Variants in PPM1D observed in about 807,000 individuals in gnomAD.
PPM1D encodes the protein protein phosphatase 1D.
PPM1D carries 52 observed loss-of-function variants against 58.3 expected under a neutral mutation model. The ratio of observed to expected loss-of-function variants is 0.89; its 90% CI spans 0.71 to 1.12. PPM1D has a LOEUF of 1.12. Among genes scored for constraint, PPM1D ranks in the 50% most tolerant of loss-of-function variants. The pLI, the probability that PPM1D is intolerant of heterozygous loss-of-function variation, is 0.00. For missense variants in PPM1D, 564 were observed against 777.2 expected (o/e 0.73, Z 3.26); for synonymous variants, 278 against 285.1 (o/e 0.98, Z 0.25).
At chr17:60,655,626 C>T (rs781567602) in intron 4 of PPM1D, among the ~76,000 whole-genome samples, 7 of 152,020 alleles carry the variant, frequency 4.6e-5, no homozygotes, top group East Asian at 1.9e-4. Flanking sequence ...GGATTAAAGG[C>T]GTGAGCCACC....
chr17:60,648,665 C>T (rs1337067585), intron 4 of PPM1D, among the ~76,000 whole-genome samples: 1 of 152,104 alleles, frequency 6.6e-6, no homozygotes, highest in African/African-American at 2.4e-5. Flanking sequence ...CAGGCGTGAG[C>T]CACTGCGCCC....
chr17:60,624,072 C>G (rs972328885), intron 2 of PPM1D, among the ~76,000 whole-genome samples: 1 of 152,172 alleles, frequency 6.6e-6, no homozygotes, highest in Admixed American at 6.5e-5. Flanking sequence ...CAGAGTAGAA[C>G]ACTTTGAATC....
chr17:60,633,671 T>G (rs1471954775), intron 2 of PPM1D, among the ~76,000 whole-genome samples, 182 bp from the exon 3 acceptor site: 1 of 152,224 alleles, frequency 6.6e-6, no homozygotes, highest in African/African-American at 2.4e-5. Flanking sequence ...ATTTTCCACT[T>G]TGAATCTACC....
chr17:60,603,406 A>G (rs919001388), intron 1 of PPM1D, among the ~76,000 whole-genome samples: 40 of 152,166 alleles, frequency 2.6e-4, no homozygotes, highest in African/African-American at 9.2e-4. Flanking sequence ...TTCCCCAAAT[A>G]AGAAATAGTG....
intron 5 of PPM1D, among the ~76,000 whole-genome samples, chr17:60,659,537 G>C (rs1358382776): frequency 1.3e-5 from 2 of 152,198 alleles, no homozygotes; most frequent in East Asian, 3.8e-4. Flanking sequence ...AGATCTTTAA[G>C]AACGGAATGG....
intron 4 of PPM1D, 60 bp downstream of exon 4, chr17:60,648,142 A>G: frequency 6.6e-7 from 1 of 1,525,102 alleles, no homozygotes; most frequent in South Asian, 1.2e-5. Flanking sequence ...TACTTCTGTC[A>G]GAATCTTGAA....
At chr17:60,625,350 A>T (rs2030786504) in intron 2 of PPM1D, among the ~76,000 whole-genome samples, 1 of 152,182 alleles carries the variant, frequency 6.6e-6, no homozygotes, top group African/African-American at 2.4e-5. Flanking sequence ...TTTTATTGAA[A>T]TGGTTACCTT....
At chr17:60,645,678 A>G (rs1281343032) in intron 3 of PPM1D, among the ~76,000 whole-genome samples, 1 of 145,258 alleles carries the variant, frequency 6.9e-6, no homozygotes, top group Non-Finnish European at 1.5e-5. Context: ...ACACATATAC[A>G]TATACATATG....
chr17:60,617,079 T>G (rs2030599138), intron 1 of PPM1D, among the ~76,000 whole-genome samples: 1 of 151,980 alleles, frequency 6.6e-6, no homozygotes, highest in African/African-American at 2.4e-5. Context: ...TCTGAAGAAG[T>G]TAGAACTAAC....
chr17:60,663,589 A>G lies in PPM1D; in HGVS notation c.*37A>G, dbSNP rs191317670. On this transcript the variant is annotated 3_prime_UTR_variant, in exon 6 of 6. Transcript: ENST00000305921. ...GAAATGAGGTTTTTCCAAACTTAGGATATAAGAGGGCTTTTTAAATTTGGT... is the reference window on the plus strand; with the variant it reads ...GAAATGAGGTTTTTCCAAACTTAGGGTATAAGAGGGCTTTTTAAATTTGGT... 5.2e-3 allele frequency: 8,185 copies of G among 1,568,340 alleles called. 31 individuals carry two copies. The highest frequency in any genetic ancestry group is 7.3e-3 in the Middle Eastern group (43 of 5,882).
chr17:60,661,613 C>A (rs1341571478), intron 5 of PPM1D, among the ~76,000 whole-genome samples: 1 of 152,050 alleles, frequency 6.6e-6, no homozygotes, highest in Non-Finnish European at 1.5e-5. Flanking sequence ...TTTTTAAAAA[C>A]AATAAAGTGC....
chr17:60,620,773 G>T (rs1450007865), intron 1 of PPM1D, among the ~76,000 whole-genome samples: 2 of 152,120 alleles, frequency 1.3e-5, no homozygotes, highest in Non-Finnish European at 2.9e-5. Flanking sequence ...TTTCCAAAGT[G>T]CTGGGATTAC....
At chr17:60,649,806 T>C (rs1245433277) in intron 4 of PPM1D, among the ~76,000 whole-genome samples, 1 of 152,170 alleles carries the variant, frequency 6.6e-6, no homozygotes, top group Non-Finnish European at 1.5e-5. Flanking sequence ...TTATTATAAA[T>C]AGAATATATA....
At chr17:60,612,416 T>C in intron 1 of PPM1D, among the ~76,000 whole-genome samples, 1 of 150,628 alleles carries the variant, frequency 6.6e-6, no homozygotes, top group East Asian at 1.9e-4. Flanking sequence ...ACTGCACACC[T>C]AGATTGTATA....
intron 2 of PPM1D, among the ~76,000 whole-genome samples, chr17:60,627,569 C>T (rs1325255719): frequency 6.6e-6 from 1 of 151,776 alleles, no homozygotes; most frequent in Non-Finnish European, 1.5e-5. Context: ...TTACAGGTGC[C>T]CGCCACCATG....
At chr17:60,612,888 C>T (rs551588955) in intron 1 of PPM1D, among the ~76,000 whole-genome samples, 1 of 151,974 alleles carries the variant, frequency 6.6e-6, no homozygotes, top group Admixed American at 6.6e-5. Context: ...GATTTACCAC[C>T]CCTTCTTCTT....
intron 3 of PPM1D, among the ~76,000 whole-genome samples, chr17:60,636,320 A>G (rs1351439020): frequency 6.6e-6 from 1 of 152,180 alleles, no homozygotes; most frequent in African/African-American, 2.4e-5. Flanking sequence ...ATTGTTCTTT[A>G]TTCACCAAAT....
chr17:60,657,881 A>G (rs2031467532), intron 5 of PPM1D, among the ~76,000 whole-genome samples: 1 of 152,100 alleles, frequency 6.6e-6, no homozygotes, highest in Non-Finnish European at 1.5e-5. Flanking sequence ...CTGGGATTAC[A>G]GGTGCCCGCC....
intron 5 of PPM1D, among the ~76,000 whole-genome samples, chr17:60,660,884 A>G (rs1223283002): frequency 6.6e-6 from 1 of 152,168 alleles, no homozygotes; most frequent in East Asian, 1.9e-4. Context: ...AAACATTCCT[A>G]TGATAAGTAT....
Sources: gnomAD v4.1 joint callset for allele counts (sites outside exome capture counted in the v4.1 genomes callset) on GRCh38, gnomAD v4.1.1 for gene constraint, MANE v1.5 for transcripts, NCBI Gene and HGNC (gene_info 2026-07-23, HGNC 2026-07-21) for gene names.